The following TYW1 variants were observed in gnomAD, a reference collection of about 807,000 sequenced individuals.
TYW1 encodes S-adenosyl-L-methionine-dependent tRNA 4-demethylwyosine synthase TYW1.
In TYW1, 46 loss-of-function variants were observed where a neutral mutation model predicts 96.2. The ratio of observed to expected loss-of-function variants is 0.48; its 90% CI spans 0.38 to 0.61. TYW1 has a LOEUF of 0.61. Among genes scored for constraint, TYW1 ranks in the 20% least tolerant of loss-of-function variants. The pLI, the probability that TYW1 is intolerant of heterozygous loss-of-function variation, is 0.00. For missense variants in TYW1, 684 were observed against 909.6 expected, an observed-to-expected ratio of 0.75 and a Z score of 3.19; for synonymous variants, 274 against 323.0, an observed-to-expected ratio of 0.85 and a Z score of 1.63.
intron 13 of TYW1, among the ~76,000 whole-genome samples, chr7:67,153,995 T>G (rs985098693): frequency 1.3e-5 from 2 of 148,832 alleles, no homozygotes; most frequent in Non-Finnish European, 3.0e-5. Flanking sequence ...TGGCGTGACC[T>G]TAGCTTACTG....
intron 4 of TYW1, among the ~76,000 whole-genome samples, chr7:67,014,080 T>C (rs1793919964): frequency 6.6e-6 from 1 of 152,148 alleles, no homozygotes; most frequent in African/African-American, 2.4e-5. Context: ...TTGTTTCCAC[T>C]GTGGCAAATT....
chr7:67,175,738 A>G (rs1182049501), intron 13 of TYW1, among the ~76,000 whole-genome samples: 1 of 152,248 alleles, frequency 6.6e-6, no homozygotes, highest in Non-Finnish European at 1.5e-5. Flanking sequence ...ATATTTATTT[A>G]TGATTAAAAT....
In TYW1 at chr7:67,139,347, C is replaced by T. The variant is rs562792297; in HGVS notation, c.1698+21729C>T. ...GATTACAGGCATGAGCCACCATGCC[C>T]GGCCTATTTATGGATCTTTTGAAAT... On this transcript the variant is annotated intron_variant, in intron 13 of 15. Coordinates refer to ENST00000359626, the MANE Select transcript of TYW1 (RefSeq NM_018264.4). Among the ~76,000 whole-genome samples, 13 of 152,286 alleles carry T rather than the reference C, an allele frequency of 8.5e-5. No homozygotes were observed. In the South Asian group the frequency reaches 1.9e-3, roughly 22 times the overall value.
chr7:67,050,150 T>C, intron 8 of TYW1, 84 bp downstream of exon 8: 1 of 1,487,362 alleles, frequency 6.7e-7, no homozygotes. Flanking sequence ...TCTCTCTAAT[T>C]AGCTCAGCAG....
intron 4 of TYW1, among the ~76,000 whole-genome samples, chr7:67,010,636 C>T (rs1256074473): frequency 1.6e-4 from 24 of 152,112 alleles, no homozygotes; most frequent in Non-Finnish European, 2.9e-4. Flanking sequence ...CCGCCACACC[C>T]GACAAATTTT....
intron 9 of TYW1, among the ~76,000 whole-genome samples, chr7:67,061,409 T>C (rs1360179268): frequency 6.6e-6 from 1 of 152,184 alleles, no homozygotes; most frequent in African/African-American, 2.4e-5. Flanking sequence ...ATTACAGTTT[T>C]TCTATAGAGA....
intron 14 of TYW1, among the ~76,000 whole-genome samples, chr7:67,191,167 CA>C (rs1800204792): frequency 6.6e-6 from 1 of 152,174 alleles, no homozygotes; most frequent in African/African-American, 2.4e-5. Context: ...GACAGAGAGA[CA>C]GACAGATGGA....
intron 15 of TYW1, among the ~76,000 whole-genome samples, chr7:67,202,288 CCTGT>C (rs1800627903): frequency 1.3e-5 from 2 of 152,086 alleles, no homozygotes; most frequent in African/African-American, 2.4e-5. Context: ...GTCCATTGGC[CCTGT>C]CTTTAAGCTC....
At chr7:67,021,383 C>T (rs1010094072) in intron 6 of TYW1, among the ~76,000 whole-genome samples, 2 of 152,284 alleles carry the variant, frequency 1.3e-5, no homozygotes, top group Non-Finnish European at 2.9e-5. Context: ...TTCTGAGTGA[C>T]TGATAGTAGC....
intron 15 of TYW1, among the ~76,000 whole-genome samples, chr7:67,198,907 G>A (rs1317806706): frequency 6.6e-6 from 1 of 152,020 alleles, no homozygotes; most frequent in Non-Finnish European, 1.5e-5. Flanking sequence ...TAATAGAAAT[G>A]TTTCTTGGTG....
At chr7:67,128,597 T>C (rs1797973556) in intron 13 of TYW1, among the ~76,000 whole-genome samples, 2 of 152,136 alleles carry the variant, frequency 1.3e-5, no homozygotes, top group South Asian at 4.1e-4. Flanking sequence ...ATATCCTGGG[T>C]AAAAGGAACT....
chr7:67,076,052 A>G (rs891515609), intron 10 of TYW1, among the ~76,000 whole-genome samples: 1 of 152,214 alleles, frequency 6.6e-6, no homozygotes, highest in African/African-American at 2.4e-5. Flanking sequence ...GTCGTAGCCT[A>G]TTCCTCTTCT....
chr7:67,077,554 T>C (rs982524529), intron 10 of TYW1, among the ~76,000 whole-genome samples: 1 of 152,244 alleles, frequency 6.6e-6, no homozygotes, highest in African/African-American at 2.4e-5. Context: ...AAATGTCTAT[T>C]TACATCATTC....
At chr7:67,177,802 A>G (rs1247981410) in intron 13 of TYW1, among the ~76,000 whole-genome samples, 1 of 151,976 alleles carries the variant, frequency 6.6e-6, no homozygotes, top group Non-Finnish European at 1.5e-5. Flanking sequence ...CATATCCCCC[A>G]TGACCCAGCA....
intron 13 of TYW1, among the ~76,000 whole-genome samples, chr7:67,151,042 A>ATTCTTC (rs569803211): frequency 6.2e-4 from 91 of 147,456 alleles, no homozygotes; most frequent in South Asian, 8.5e-4. Flanking sequence ...CTGCCATTAT[A>ATTCTTC]TTCTTCTTCT....
At chr7:67,034,089 T>A (rs11763729) in intron 7 of TYW1, among the ~76,000 whole-genome samples, 64,480 of 150,134 alleles carry the variant, frequency 0.43, 14,302 homozygotes, top group East Asian at 0.59. Context: ...TCATTTAATT[T>A]ATTTATTTAT....
intron 13 of TYW1, among the ~76,000 whole-genome samples, chr7:67,125,999 A>G (rs1797902096): frequency 6.6e-6 from 1 of 152,086 alleles, no homozygotes; most frequent in South Asian, 2.1e-4. Context: ...AGTTTTGGCA[A>G]TTTTGAACCC....
intron 6 of TYW1, among the ~76,000 whole-genome samples, chr7:67,018,905 G>C (rs1794119467): frequency 6.8e-6 from 1 of 146,482 alleles, no homozygotes; most frequent in Non-Finnish European, 1.5e-5. Flanking sequence ...CCAGTGATCT[G>C]AGATCATGCG....
chr7:67,006,857 C>T (rs1325356197), intron 3 of TYW1, among the ~76,000 whole-genome samples: 5 of 147,436 alleles, frequency 3.4e-5, no homozygotes, highest in Non-Finnish European at 1.5e-5. Context: ...ATCCACTTGG[C>T]TTCTGGTGAA....
Sources: gnomAD v4.1 joint callset for allele counts (sites outside exome capture counted in the v4.1 genomes callset) on GRCh38, gnomAD v4.1.1 for gene constraint, MANE v1.5 for transcripts, NCBI Gene and HGNC (gene_info 2026-07-23, HGNC 2026-07-21) for gene names.